Variants in ZNF536 observed in about 807,000 individuals in gnomAD.
ZNF536 encodes zinc finger protein 536.
ZNF536 carries 13 observed loss-of-function variants against 84.5 expected under a neutral mutation model. The ratio of observed to expected loss-of-function variants is 0.15; its 90% CI spans 0.10 to 0.24. The LOEUF (loss-of-function observed/expected upper bound fraction) is 0.24. Ranked by LOEUF, ZNF536 falls within the 10% of genes least tolerant of loss-of-function variation. The probability of loss-of-function intolerance (pLI) is 1.00; values close to 1 mark genes in which losing one functional copy is unlikely to be tolerated. For synonymous variants in ZNF536, 811 were observed against 742.5 expected, an observed-to-expected ratio of 1.09 and a Z score of -1.50; for missense variants, 1,536 against 1,747.5, an observed-to-expected ratio of 0.88 and a Z score of 2.16.
intron 1 of ZNF536, among the ~76,000 whole-genome samples, chr19:30,620,476 C>T (rs138113689): frequency 3.3e-5 from 5 of 152,256 alleles, no homozygotes; most frequent in African/African-American, 9.6e-5. Flanking sequence ...GTGACATTCA[C>T]CCAGATGGGG....
intron 2 of ZNF536, among the ~76,000 whole-genome samples, chr19:30,522,262 C>CACACATAT (rs2044375836): frequency 1.3e-4 from 1 of 7,638 alleles, no homozygotes; most frequent in African/African-American, 7.2e-4. Flanking sequence ...GATATATATA[C>CACACATAT]ATATATATAT....
chr19:30,330,115 C>T (rs1243793536), intron 2 of ZNF536, among the ~76,000 whole-genome samples: 1 of 152,168 alleles, frequency 6.6e-6, no homozygotes, highest in Non-Finnish European at 1.5e-5. Flanking sequence ...TCACCACCAC[C>T]ACCACTACTA....
rs1358547512 is a variant in ZNF536 at position 30,548,180 on chromosome 19, C to G, written c.2561C>G (p.Pro854Arg). The change falls in exon 4 of 5, where the codon CCT becomes CGT. Residue 854 changes from proline (P) to arginine (R), a missense_variant. This residue lies in a region of ZNF536 where 624 missense variants were observed against 603.1 expected (regional missense o/e 1.03). Transcript: ENST00000355537. The stretch of plus-strand genomic sequence containing the variant: ...CCTGGAATCGACTTCAGAGGAGGCC[C>G]TGCATCTCAGCAGTGGACATCAGGG... ...GLPGIDFRGG[P>R]ASQQWTSGVL... 1 of 1,614,158 alleles carries G rather than the reference C, an allele frequency of 6.2e-7. No individual in the cohort carries two copies.
intron 1 of ZNF536, among the ~76,000 whole-genome samples, chr19:30,269,206 A>G (rs2025684128): frequency 6.6e-6 from 1 of 152,136 alleles, no homozygotes; most frequent in African/African-American, 2.4e-5. Flanking sequence ...CTCCGCAGGA[A>G]CCCTGCCACC....
At chr19:30,376,519 A>G (rs755872649) in intron 1 of ZNF536, among the ~76,000 whole-genome samples, 9 of 152,156 alleles carry the variant, frequency 5.9e-5, no homozygotes, top group Non-Finnish European at 4.4e-5. Flanking sequence ...GATAGCACCC[A>G]CTGGATACTC....
At chr19:30,652,887 G>A (rs1284189145) in intron 1 of ZNF536, among the ~76,000 whole-genome samples, 3 of 152,134 alleles carry the variant, frequency 2.0e-5, no homozygotes, top group African/African-American at 7.2e-5. Flanking sequence ...GGATTATTCT[G>A]GAAACCCACT....
At chr19:30,589,319 C>G (rs1286517893) in intron 1 of ZNF536, among the ~76,000 whole-genome samples, 1 of 152,210 alleles carries the variant, frequency 6.6e-6, no homozygotes, top group African/African-American at 2.4e-5. Flanking sequence ...TTGGCTCTTA[C>G]AGGCCATGAA....
chr19:30,400,597 T>G (rs755413178), intron 1 of ZNF536, among the ~76,000 whole-genome samples: 3 of 152,180 alleles, frequency 2.0e-5, no homozygotes, highest in Non-Finnish European at 4.4e-5. Context: ...GGTCTCACTT[T>G]GTCGCCCAGG....
chr19:30,662,002 C>A (rs2050139132), intron 1 of ZNF536, among the ~76,000 whole-genome samples: 2 of 152,142 alleles, frequency 1.3e-5, no homozygotes, highest in African/African-American at 4.8e-5. Flanking sequence ...GAATAACCAT[C>A]CCCTGACGAC....
At chr19:30,625,557 T>C (rs986987582) in intron 1 of ZNF536, among the ~76,000 whole-genome samples, 3 of 152,282 alleles carry the variant, frequency 2.0e-5, no homozygotes, top group African/African-American at 7.2e-5. Context: ...TTGGCATTAC[T>C]GCATCCACCT....
rs529404589 is a variant in ZNF536 at position 30,637,577 on chromosome 19, C to T, written c.170-73180C>T. Among the ~76,000 whole-genome samples the T allele has an allele frequency of 2.6e-5, 4 of 152,348 alleles. No homozygotes were observed. The East Asian group carries it at 7.7e-4, about 29-fold the overall frequency. ...AATTTGGATAAAGCAAGCATTCATCCTTTACGCTTTGTGGTCAGACTTTTG... is the reference window on the plus strand; with the variant it reads ...AATTTGGATAAAGCAAGCATTCATCTTTTACGCTTTGTGGTCAGACTTTTG... On this transcript the variant is annotated intron_variant, in intron 1 of 1. Coordinates refer to the ZNF536 transcript ENST00000592773.
At chr19:30,226,513 C>T (rs2022622851), upstream of ZNF536, among the ~76,000 whole-genome samples, 1 of 151,940 alleles carries the variant, frequency 6.6e-6, no homozygotes, top group Non-Finnish European at 1.5e-5. This position sits in a 1 kb window ranked among gnomAD's most constrained non-coding sequence, Gnocchi z 4.6. Context: ...GCCCCGGGAG[C>T]CTGGCCAGGC....
chr19:30,349,445 T>C (rs2047859666), intron 2 of ZNF536, among the ~76,000 whole-genome samples: 2 of 152,142 alleles, frequency 1.3e-5, no homozygotes, highest in Middle Eastern at 3.2e-3. Flanking sequence ...GGTACAGTCC[T>C]TCCCCATGCA....
intron 1 of ZNF536, among the ~76,000 whole-genome samples, chr19:30,404,246 C>T (rs915036135): frequency 2.6e-5 from 4 of 152,130 alleles, no homozygotes; most frequent in African/African-American, 4.8e-5. Flanking sequence ...CTAGTCTGGG[C>T]GCAGAGCCCA....
At chr19:30,405,377 A>G (rs922058491) in intron 1 of ZNF536, among the ~76,000 whole-genome samples, 4 of 152,222 alleles carry the variant, frequency 2.6e-5, no homozygotes, top group Admixed American at 2.6e-4. Flanking sequence ...GTTATGAGCC[A>G]GGAACTGCAG....
At chr19:30,497,678 G>A (rs1290527994) in intron 2 of ZNF536, among the ~76,000 whole-genome samples, 20 of 152,096 alleles carry the variant, frequency 1.3e-4, no homozygotes, top group Admixed American at 2.0e-4. Flanking sequence ...TGAATTCTTC[G>A]GAACTGTTGT....
rs2048699023 is a variant in ZNF536, at chr19:30,626,838, C to A, written c.169+77324C>A. 2.0e-5 allele frequency among the ~76,000 whole-genome samples: 3 copies of A among 152,222 alleles called. No homozygotes were observed. The South Asian group carries it at 6.2e-4, about 31-fold the overall frequency. On this transcript the variant is annotated intron_variant, in intron 1 of 1. Coordinates refer to the ZNF536 transcript ENST00000592773. ...GGCCAGCGGCAGCCTGCTCCCCGCA[C>A]GGCCCCCACCCCGGCCACCTCGGTG...
intron 1 of ZNF536, among the ~76,000 whole-genome samples, chr19:30,408,222 C>G (rs994395820): frequency 6.6e-6 from 1 of 152,144 alleles, no homozygotes; most frequent in East Asian, 1.9e-4. Flanking sequence ...TGAATCCAGG[C>G]CATTATAGAC....
At chr19:30,432,189 C>T (rs2147991142) in intron 1 of ZNF536, among the ~76,000 whole-genome samples, 1 of 152,222 alleles carries the variant, frequency 6.6e-6, no homozygotes, top group South Asian at 2.1e-4. Flanking sequence ...AGCCCTGCTT[C>T]ATGGCCTAGA....
Sources: allele counts gnomAD v4.1 joint callset (sites outside exome capture counted in the v4.1 genomes callset), GRCh38; gene constraint gnomAD v4.1.1; regional missense constraint gnomAD v4.1.1; non-coding constraint Gnocchi (gnomAD v3.1); transcripts MANE v1.5; gene names NCBI Gene and HGNC (gene_info 2026-07-23, HGNC 2026-07-21).